The following FIGN variants were observed in gnomAD, a reference collection of about 807,000 sequenced individuals.
FIGN encodes the protein fidgetin.
Under a neutral mutation model 51.3 loss-of-function variants are expected in FIGN, and 11 were observed. The ratio of observed to expected loss-of-function variants is 0.21; its 90% CI spans 0.13 to 0.35. The LOEUF is 0.35. Among genes scored for constraint, FIGN ranks in the 10% least tolerant of loss-of-function variants. The probability of loss-of-function intolerance (pLI) is 1.00; values close to 1 mark genes in which losing one functional copy is unlikely to be tolerated. For missense variants in FIGN, 857 were observed against 943.6 expected (o/e 0.91, Z 1.20); for synonymous variants, 407 against 363.2 (o/e 1.12, Z -1.37).
chr2:163,697,358 C>G (rs1191883746), intron 2 of FIGN, among the ~76,000 whole-genome samples: 2 of 152,026 alleles, frequency 1.3e-5, no homozygotes, highest in African/African-American at 4.8e-5. Context: ...GCCTTGGCCT[C>G]CTGAAGTGCT....
chr2:163,689,746 T>C (rs1034130236), intron 2 of FIGN, among the ~76,000 whole-genome samples: 3 of 152,184 alleles, frequency 2.0e-5, no homozygotes, highest in Admixed American at 2.0e-4. Context: ...ATCAAGATTA[T>C]GTCTGTCAGA....
chr2:163,695,906 G>A (rs1439774119), intron 2 of FIGN, among the ~76,000 whole-genome samples: 5 of 152,186 alleles, frequency 3.3e-5, no homozygotes, highest in East Asian at 1.9e-4. Flanking sequence ...TCAGGAGTTC[G>A]AGACCAGCCT....
intron 2 of FIGN, among the ~76,000 whole-genome samples, chr2:163,645,969 T>C (rs1413799249): frequency 2.0e-5 from 3 of 152,238 alleles, no homozygotes; most frequent in Non-Finnish European, 2.9e-5. Flanking sequence ...TATATTTGCA[T>C]ATTTAAATTG....
At chr2:163,659,915 C>T (rs753159811) in intron 2 of FIGN, among the ~76,000 whole-genome samples, 5 of 151,836 alleles carry the variant, frequency 3.3e-5, no homozygotes, top group Non-Finnish European at 7.4e-5. Flanking sequence ...CCAGCCTGGC[C>T]AACATAGTGA....
At chr2:163,659,124 T>A (rs1683610924) in intron 2 of FIGN, among the ~76,000 whole-genome samples, 1 of 152,030 alleles carries the variant, frequency 6.6e-6, no homozygotes, top group Admixed American at 6.6e-5. Context: ...AAAAAAATTC[T>A]AAAAAAAGAA....
chr2:163,711,154 C>T (rs1234289439), intron 2 of FIGN, among the ~76,000 whole-genome samples: 1 of 152,078 alleles, frequency 6.6e-6, no homozygotes, highest in Non-Finnish European at 1.5e-5. Context: ...AAAGCAAGTC[C>T]AGTTACCATA....
At chr2:163,648,780 CTT>C (rs1263639086) in intron 2 of FIGN, among the ~76,000 whole-genome samples, 1 of 152,210 alleles carries the variant, frequency 6.6e-6, no homozygotes, top group Non-Finnish European at 1.5e-5. Context: ...ACCGTAAACA[CTT>C]TTGTTTTGAA....
At chr2:163,734,053 AAGTGT>A (rs1684973494) in intron 2 of FIGN, among the ~76,000 whole-genome samples, 1 of 151,748 alleles carries the variant, frequency 6.6e-6, no homozygotes, top group South Asian at 2.1e-4. Context: ...GAATATTACA[AAGTGT>A]ACACAGGGCA....
intron 2 of FIGN, among the ~76,000 whole-genome samples, chr2:163,657,500 CTGTGTGTG>C (rs72033079): frequency 2.6e-4 from 38 of 147,540 alleles, no homozygotes; most frequent in Non-Finnish European, 4.9e-4. Context: ...CAGAGGGAGT[CTGTGTGTG>C]TGTGTGTGTG....
At chr2:163,679,980 G>A (rs563939483) in intron 2 of FIGN, among the ~76,000 whole-genome samples, 58 of 152,322 alleles carry the variant, frequency 3.8e-4, no homozygotes, top group African/African-American at 1.3e-3. Context: ...CATGAAGTTT[G>A]TTAGCAGAAG....
At chr2:163,688,490 A>AAT (rs1384583472) in intron 2 of FIGN, among the ~76,000 whole-genome samples, 106 of 152,352 alleles carry the variant, frequency 7.0e-4, no homozygotes, top group Middle Eastern at 3.4e-3. Context: ...GACTGGAATG[A>AAT]ATAGACAAAG....
intron 2 of FIGN, among the ~76,000 whole-genome samples, chr2:163,640,643 T>C (rs563588044): frequency 7.3e-4 from 111 of 152,282 alleles, no homozygotes; most frequent in African/African-American, 2.6e-3. Context: ...AGTTCGTTAA[T>C]AAATCAAGAC....
chr2:163,684,666 T>C (rs1684117279), intron 2 of FIGN, among the ~76,000 whole-genome samples: 1 of 152,236 alleles, frequency 6.6e-6, no homozygotes, highest in African/African-American at 2.4e-5. Context: ...CACTTTCTCC[T>C]CTATGAACCA....
chr2:163,611,694 C>T lies in FIGN; in HGVS notation c.138G>A (p.Leu46=). The T allele has an allele frequency of 6.2e-7, 1 of 1,614,174 alleles. No individual in the cohort carries two copies. Among genetic ancestry groups the T allele is most frequent in the Admixed American group, 1.7e-5 (1 of 60,014 alleles). ...CCCAGGCGTACTGATAGGTGCGCTG[C>T]AGATGACCTCTGTAGGCTTCAACTT... ...AHKVEAYRGH[L]QRTYQYAWAN... Residue 46 remains leucine (L), a synonymous_variant, in exon 3 of 3, where the codon CTG becomes CTA. Coordinates refer to ENST00000333129, the MANE Select transcript of FIGN (RefSeq NM_018086.4).
intron 2 of FIGN, among the ~76,000 whole-genome samples, chr2:163,625,576 A>C (rs1055364459): frequency 1.3e-5 from 2 of 152,056 alleles, no homozygotes; most frequent in African/African-American, 4.8e-5. Context: ...ACCCACTGTT[A>C]TATACCTCTG....
At chr2:163,722,392 C>A (rs959112848) in intron 2 of FIGN, among the ~76,000 whole-genome samples, 2 of 152,036 alleles carry the variant, frequency 1.3e-5, no homozygotes, top group Admixed American at 6.6e-5. Flanking sequence ...GAAAGAAATG[C>A]CTTAGGAGGT....
At position 163,611,604 on chromosome 2, in the gene FIGN, G is replaced by A. The variant is rs764683645; in HGVS notation, c.228C>T (p.Ser76=). Reference sequence around the variant, plus strand: ...GGTCCACAGGACCTTCCAAAATGCCGGAATACTTCTCTGCATATTTTTTTA... The same window carrying A: ...GGTCCACAGGACCTTCCAAAATGCCAGAATACTTCTCTGCATATTTTTTTA... ...NLLKKYAEKY[S]GILEGPVDRP... The change falls in exon 3 of 3, where the codon TCC becomes TCT. Residue 76 remains serine (S), a synonymous_variant. Transcript: ENST00000333129. 1.9e-6 allele frequency: 3 copies of A among 1,614,210 alleles called. No individual in the cohort carries two copies. The highest frequency in any genetic ancestry group is 2.2e-5 in the South Asian group (2 of 91,088).
rs533139880 is a variant in FIGN at position 163,727,552 on chromosome 2, T to C, written c.25+7351A>G. 4.3e-4 allele frequency among the ~76,000 whole-genome samples: 66 copies of C among 152,288 alleles called. 1 individual carries two copies. The South Asian group carries it at 9.9e-3, about 23-fold the overall frequency. On this transcript the variant is annotated intron_variant, in intron 2 of 2. Coordinates refer to ENST00000333129, the MANE Select transcript of FIGN (RefSeq NM_018086.4). The stretch of plus-strand genomic sequence containing the variant: ...TTTTCTTCTTAGAAAGTCTCATATG[T>C]AGCATTTCTCCCGACAAAGTCTAAC...
At chr2:163,727,404 T>C (rs113046260) in intron 2 of FIGN, among the ~76,000 whole-genome samples, 8,460 of 151,828 alleles carry the variant, frequency 0.056, 770 homozygotes, top group African/African-American at 0.19. Context: ...AAAATATTCC[T>C]AAACTGTGGG....
Sources: gnomAD v4.1 joint callset for allele counts (sites outside exome capture counted in the v4.1 genomes callset) on GRCh38, gnomAD v4.1.1 for gene constraint, MANE v1.5 for transcripts, NCBI Gene and HGNC (gene_info 2026-07-23, HGNC 2026-07-21) for gene names.